The following ME1 variants were observed in gnomAD, a reference collection of about 807,000 sequenced individuals.
ME1 encodes the protein malic enzyme 1.
Under a neutral mutation model 66.4 loss-of-function variants are expected in ME1, and 74 were observed. That is an observed-to-expected ratio of 1.11 (90% CI 0.92 to 1.35). The LOEUF is 1.35. Among genes scored for constraint, ME1 ranks in the 40% most tolerant of loss-of-function variants. The pLI is 0.00. For missense variants in ME1, 750 were observed against 694.1 expected (o/e 1.08, Z -0.90); for synonymous variants, 251 against 235.6 (o/e 1.07, Z -0.60).
At chr6:83,312,445 G>A (rs1767949524) in intron 6 of ME1, among the ~76,000 whole-genome samples, 1 of 152,168 alleles carries the variant, frequency 6.6e-6, no homozygotes, top group Admixed American at 6.5e-5. Flanking sequence ...CTCAGCCTGT[G>A]AGTGAAGAGC....
intron 7 of ME1, among the ~76,000 whole-genome samples, chr6:83,252,927 T>C (rs998161963): frequency 6.6e-6 from 1 of 152,050 alleles, no homozygotes; most frequent in African/African-American, 2.4e-5. Flanking sequence ...CTGCTGAAAA[T>C]TCAAATAAGA....
At chr6:83,226,546 G>A (rs1288037520) in intron 11 of ME1, among the ~76,000 whole-genome samples, 1 of 151,986 alleles carries the variant, frequency 6.6e-6, no homozygotes, top group African/African-American at 2.4e-5. Context: ...AAATAAGAGA[G>A]ATAAACAATG....
At chr6:83,341,453 G>A (rs1386786967) in intron 5 of ME1, among the ~76,000 whole-genome samples, 1 of 134,696 alleles carries the variant, frequency 7.4e-6, no homozygotes, top group Non-Finnish European at 1.6e-5. Flanking sequence ...TGTCAGAAAT[G>A]AGGGCAGTCT....
chr6:83,322,809 C>G (rs1768203705), intron 5 of ME1, among the ~76,000 whole-genome samples: 1 of 152,046 alleles, frequency 6.6e-6, no homozygotes, highest in Non-Finnish European at 1.5e-5. Context: ...CAGAGAACAC[C>G]ACAAAGATAC....
At chr6:83,415,678 T>C (rs1393638467) in intron 1 of ME1, among the ~76,000 whole-genome samples, 10 of 152,216 alleles carry the variant, frequency 6.6e-5, no homozygotes. Context: ...TCCCAAATAA[T>C]AATTAAGCTT....
chr6:83,364,173 C>A (rs1203402453), intron 3 of ME1, among the ~76,000 whole-genome samples: 1 of 152,082 alleles, frequency 6.6e-6, no homozygotes, highest in African/African-American at 2.4e-5. Context: ...CAGCTGCCAG[C>A]ATGGCTAGAA....
intron 3 of ME1, 106 bp downstream of exon 3, chr6:83,398,261 A>G: frequency 1.2e-6 from 1 of 812,682 alleles, no homozygotes; most frequent in Non-Finnish European, 1.9e-6. Flanking sequence ...AATATATGCA[A>G]TTTTATTGTC....
intron 5 of ME1, among the ~76,000 whole-genome samples, chr6:83,319,165 A>T (rs1459185251): frequency 4.6e-5 from 6 of 130,536 alleles, no homozygotes; most frequent in Non-Finnish European, 8.1e-5. Context: ...GGGTCAGGGG[A>T]GGGGGGAGGG....
At chr6:83,349,312 T>C (rs1028735136) in intron 4 of ME1, among the ~76,000 whole-genome samples, 1 of 152,170 alleles carries the variant, frequency 6.6e-6, no homozygotes, top group Admixed American at 6.5e-5. Context: ...TAATATTCTC[T>C]TGCTTTTTTT....
chr6:83,319,239 C>T (rs1768105971), intron 5 of ME1, among the ~76,000 whole-genome samples: 1 of 150,952 alleles, frequency 6.6e-6, no homozygotes, highest in Non-Finnish European at 1.5e-5. Flanking sequence ...ACCAGCATGG[C>T]ACATGTATAT....
chr6:83,352,443 C>G (rs1768820444), intron 3 of ME1, among the ~76,000 whole-genome samples: 1 of 152,138 alleles, frequency 6.6e-6, no homozygotes, highest in South Asian at 2.1e-4. Flanking sequence ...ATACCATTAT[C>G]AGTTCCACTC....
rs2128521959 is a variant in ME1, at chr6:83,212,096, T to C, written c.1549-2A>G. The C allele has an allele frequency of 6.3e-7, 1 of 1,586,510 alleles. No individual in the cohort carries two copies. Reference sequence around the variant, plus strand: ...TTCTTGGTATGCATCTTTCACAATCTAGATATAAGAAAAGAATATTAATTA... The same window carrying C: ...TTCTTGGTATGCATCTTTCACAATCCAGATATAAGAAAAGAATATTAATTA... On this transcript the variant is annotated splice_acceptor_variant, in intron 13 of 13. Coordinates refer to ENST00000369705, the MANE Select transcript of ME1 (RefSeq NM_002395.6). LOFTEE classifies it high-confidence loss of function.
At chr6:83,244,229 G>A (rs1017181172) in intron 7 of ME1, among the ~76,000 whole-genome samples, 18 of 151,972 alleles carry the variant, frequency 1.2e-4, no homozygotes, top group Admixed American at 4.6e-4. Context: ...TGAAAAGGAA[G>A]ATTACCTAAG....
At chr6:83,388,091 C>CTTTTTTTTTTTTTT (rs57683304) in intron 3 of ME1, among the ~76,000 whole-genome samples, 20 of 133,402 alleles carry the variant, frequency 1.5e-4, no homozygotes, top group African/African-American at 3.3e-4. Flanking sequence ...TCCTTCCTTC[C>CTTTTTTTTTTTTTT]TTTTTTTTTT....
chr6:83,241,103 T>C (rs968138491), intron 7 of ME1, among the ~76,000 whole-genome samples: 3 of 152,110 alleles, frequency 2.0e-5, no homozygotes, highest in African/African-American at 7.2e-5. Flanking sequence ...AATGATATTT[T>C]CCCCATGCAA....
At chr6:83,363,839 T>C (rs1258648912) in intron 3 of ME1, among the ~76,000 whole-genome samples, 1 of 152,266 alleles carries the variant, frequency 6.6e-6, no homozygotes, top group Non-Finnish European at 1.5e-5. Flanking sequence ...TTAAGTATTG[T>C]TAACTTTATG....
intron 4 of ME1, among the ~76,000 whole-genome samples, chr6:83,347,924 C>G (rs1156368998): frequency 6.6e-6 from 1 of 152,064 alleles, no homozygotes; most frequent in African/African-American, 2.4e-5. Context: ...AACCAGAAAC[C>G]CACATATGTT....
At chr6:83,234,462 G>T (rs1359521041) in intron 9 of ME1, among the ~76,000 whole-genome samples, 1 of 152,128 alleles carries the variant, frequency 6.6e-6, no homozygotes, top group Admixed American at 6.5e-5. Context: ...AACTGATCCT[G>T]TTACTTCCCT....
At chr6:83,322,388 A>C (rs577826757) in intron 5 of ME1, among the ~76,000 whole-genome samples, 2 of 152,300 alleles carry the variant, frequency 1.3e-5, no homozygotes, top group East Asian at 3.9e-4. Context: ...AACTCAATGC[A>C]AGGAAGCTAA....
Sources: allele counts gnomAD v4.1 joint callset (sites outside exome capture counted in the v4.1 genomes callset), GRCh38; gene constraint gnomAD v4.1.1; transcripts MANE v1.5; gene names NCBI Gene and HGNC (gene_info 2026-07-23, HGNC 2026-07-21).